Variants in RNF111 observed in about 807,000 individuals in gnomAD.
RNF111 encodes ring finger protein 111.
RNF111 carries 17 observed loss-of-function variants against 95.1 expected under a neutral mutation model. The ratio of observed to expected loss-of-function variants is 0.18; its 90% CI spans 0.12 to 0.27. The LOEUF (loss-of-function observed/expected upper bound fraction) is 0.27, where lower values mean the gene tolerates loss of function less well. Ranked by LOEUF, RNF111 falls within the 10% of genes least tolerant of loss-of-function variation. RNF111 has a pLI of 1.00. For missense variants in RNF111, 1,189 were observed against 1,210.4 expected (o/e 0.98, Z 0.26); for synonymous variants, 440 against 414.8 (o/e 1.06, Z -0.74).
chr15:59,054,092 C>T (rs1191932592), intron 3 of RNF111, among the ~76,000 whole-genome samples: 1 of 152,084 alleles, frequency 6.6e-6, no homozygotes, highest in Non-Finnish European at 1.5e-5. Flanking sequence ...TGAGCCACCA[C>T]ACCTGGCTAA....
At chr15:59,040,043 G>A (rs970721276) in intron 2 of RNF111, among the ~76,000 whole-genome samples, 16 of 152,032 alleles carry the variant, frequency 1.1e-4, no homozygotes, top group Admixed American at 5.9e-4. Context: ...AGGTGATAGA[G>A]ACTACAGTCT....
chr15:59,045,167 A>AG (rs2041646898), intron 2 of RNF111, among the ~76,000 whole-genome samples: 2 of 112,526 alleles, frequency 1.8e-5, no homozygotes, highest in East Asian at 2.6e-4. Flanking sequence ...TATTTTTTAC[A>AG]GTTTTTTTTT....
At chr15:59,072,441 C>G (rs2042972454) in intron 6 of RNF111, among the ~76,000 whole-genome samples, 1 of 145,196 alleles carries the variant, frequency 6.9e-6, no homozygotes, top group Middle Eastern at 3.3e-3. Context: ...CTTTCGCTGT[C>G]ATTTCCATCT....
At chr15:59,039,966 C>T (rs140499450) in intron 2 of RNF111, among the ~76,000 whole-genome samples, 151 of 152,176 alleles carry the variant, frequency 9.9e-4, no homozygotes, top group African/African-American at 3.3e-3. Flanking sequence ...CCACCTGCCT[C>T]AGCCTCCTCA....
chr15:59,014,652 A>G (rs1251018986), intron 1 of RNF111, among the ~76,000 whole-genome samples: 1 of 152,224 alleles, frequency 6.6e-6, no homozygotes, highest in Non-Finnish European at 1.5e-5. Flanking sequence ...TTCTGAGTCT[A>G]AGAAAAAATG....
At chr15:59,055,879 A>C (rs750543098) in intron 4 of RNF111, 34 bp downstream of exon 4, 5 of 1,537,318 alleles carry the variant, frequency 3.3e-6, no homozygotes, top group Middle Eastern at 1.8e-4. Context: ...AAAATTATGA[A>C]AGGAGTTTGA....
intron 1 of RNF111, among the ~76,000 whole-genome samples, chr15:59,017,865 C>A (rs1312897079): frequency 6.8e-6 from 1 of 146,568 alleles, no homozygotes; most frequent in Non-Finnish European, 1.5e-5. Context: ...TCAAACGATT[C>A]TCCTGCTTCA....
intron 7 of RNF111, among the ~76,000 whole-genome samples, chr15:59,080,190 A>G (rs1286247705): frequency 7.6e-6 from 1 of 132,244 alleles, no homozygotes; most frequent in Non-Finnish European, 1.5e-5. Context: ...GCATGATCTC[A>G]GCTCACTGCA....
At chr15:59,006,930 C>T (rs547222604) in intron 1 of RNF111, among the ~76,000 whole-genome samples, 43 of 152,190 alleles carry the variant, frequency 2.8e-4, no homozygotes, top group Middle Eastern at 3.4e-3. Context: ...GGATTGCAGG[C>T]GCCCGCTACC....
chr15:59,013,810 CAA>C (rs2039939488), intron 1 of RNF111, among the ~76,000 whole-genome samples: 1 of 151,380 alleles, frequency 6.6e-6, no homozygotes, highest in African/African-American at 2.4e-5. Flanking sequence ...TTTTTGGAGA[CAA>C]GAGTCTCACT....
intron 8 of RNF111, among the ~76,000 whole-genome samples, chr15:59,082,134 T>G (rs2078763258): frequency 1.3e-5 from 2 of 152,254 alleles, no homozygotes; most frequent in South Asian, 4.1e-4. Context: ...AAGAAATTGA[T>G]TCTTTGCTAA....
chr15:59,019,170 C>T (rs2040214263), intron 1 of RNF111, among the ~76,000 whole-genome samples: 1 of 149,008 alleles, frequency 6.7e-6, no homozygotes, highest in African/African-American at 2.5e-5. Flanking sequence ...AACCCCTGGG[C>T]TCAAGTGATC....
At chr15:59,029,908 GT>G (rs1344707065) in intron 1 of RNF111, among the ~76,000 whole-genome samples, 1 of 152,088 alleles carries the variant, frequency 6.6e-6, no homozygotes, top group Non-Finnish European at 1.5e-5. Context: ...TGTTAACATT[GT>G]TTATTCATGT....
rs1441547861 is a variant in RNF111 at position 59,003,058 on chromosome 15, T to C, written c.-20+14990T>C. Among the ~76,000 whole-genome samples, 6 of 152,332 alleles carry C rather than the reference T, an allele frequency of 3.9e-5. No homozygotes were observed. In the East Asian group the frequency reaches 9.6e-4, roughly 24 times the overall value. On this transcript the variant is annotated intron_variant, in intron 1 of 13. Coordinates refer to ENST00000348370, the MANE Select transcript of RNF111 (RefSeq NM_017610.8). Reference sequence around the variant, plus strand: ...TGCAGTTGGCTATTCACAGGTGCTATTAAAGCTTACTGCAGCCTTGAACTC... The same window carrying C: ...TGCAGTTGGCTATTCACAGGTGCTACTAAAGCTTACTGCAGCCTTGAACTC...
rs778456265 is a variant in RNF111, at chr15:59,058,448, G to T, written c.1264G>T (p.Ala422Ser). Reference sequence around the variant, plus strand: ...TTCAAATCCATCTACCTCTGAGCAGGCCTCTGATACTGCTTCAGCTGTCAC... The same window carrying T: ...TTCAAATCCATCTACCTCTGAGCAGTCCTCTGATACTGCTTCAGCTGTCAC... Reference protein sequence around the residue: ...NNSNPSTSEQASDTASAVTSS... With the variant: ...NNSNPSTSEQSSDTASAVTSS... Residue 422 changes from alanine to serine, a missense_variant, in exon 5 of 14, where the codon GCC becomes TCC. Transcript: ENST00000348370. 2 of 1,613,998 alleles carry T rather than the reference G, an allele frequency of 1.2e-6. No individual in the cohort carries two copies. Among genetic ancestry groups the T allele is most frequent in the Middle Eastern group, 1.6e-4 (1 of 6,062 alleles).
At chr15:59,062,051 CTTTT>C (rs71119429) in intron 5 of RNF111, among the ~76,000 whole-genome samples, 28 of 122,258 alleles carry the variant, frequency 2.3e-4, no homozygotes, top group African/African-American at 7.6e-4. Context: ...TTTTAAACTT[CTTTT>C]TTTTTTTTTT....
intron 7 of RNF111, among the ~76,000 whole-genome samples, chr15:59,077,532 T>C (rs2078602019): frequency 6.6e-6 from 1 of 152,210 alleles, no homozygotes; most frequent in Non-Finnish European, 1.5e-5. Context: ...ATCAAACATA[T>C]TCTACTTCTT....
chr15:59,030,962 A>T lies in RNF111; in HGVS notation c.140A>T (p.Lys47Ile), dbSNP rs149869910. ...CATCCAGAGCCCATTGGGGCAGCCA[A>T]AAGTTTTCCTGCAGGAGTTGAGATG... ...LLHPEPIGAAKSFPAGVEMIN... is the reference protein window; with the variant it reads ...LLHPEPIGAAISFPAGVEMIN... The change falls in exon 2 of 14, where the codon AAA (lysine) becomes ATA (isoleucine). Residue 47 changes from lysine (K) to isoleucine (I), a missense_variant. Physicochemically the swap from Lys to Ile is moderately radical, Grantham distance 102. Around this residue, in one of 2 missense-constraint regions of RNF111, gnomAD observed 1,024 missense variants for 925.9 expected, o/e 1.11. Coordinates refer to ENST00000348370, the MANE Select transcript of RNF111 (RefSeq NM_017610.8). The T allele has an allele frequency of 4.6e-5, 75 of 1,614,096 alleles. No individual in the cohort carries two copies. The highest frequency in any genetic ancestry group is 6.1e-5 in the Non-Finnish European group (72 of 1,180,042).
chr15:59,021,766 C>G (rs1327383834), intron 1 of RNF111, among the ~76,000 whole-genome samples: 1 of 152,160 alleles, frequency 6.6e-6, no homozygotes, highest in Non-Finnish European at 1.5e-5. Context: ...GTTTATCACT[C>G]AGTATTCATT....
Sources: allele counts gnomAD v4.1 joint callset (sites outside exome capture counted in the v4.1 genomes callset), GRCh38; gene constraint gnomAD v4.1.1; regional missense constraint gnomAD v4.1.1; transcripts MANE v1.5; gene names NCBI Gene and HGNC (gene_info 2026-07-23, HGNC 2026-07-21).